LRP1B: variants seen among roughly 807,000 people sequenced by gnomAD.
LRP1B encodes low-density lipoprotein receptor-related protein 1B.
Under a neutral mutation model 556.6 loss-of-function variants are expected in LRP1B, and 217 were observed. The ratio of observed to expected loss-of-function variants is 0.39; its 90% confidence interval spans 0.35 to 0.44. The LOEUF is 0.44. LRP1B is among the 20% of genes least tolerant of loss of function. The pLI, the probability that LRP1B is intolerant of heterozygous loss-of-function variation, is 1.00. For missense variants in LRP1B, 5,053 were observed against 5,620.8 expected (o/e 0.90, Z 3.23); for synonymous variants, 2,047 against 1,865.8 (o/e 1.10, Z -2.50).
chr2:141,112,541 T>A (rs1700781760), intron 7 of LRP1B, among the ~76,000 whole-genome samples: 1 of 152,218 alleles, frequency 6.6e-6, no homozygotes, highest in Non-Finnish European at 1.5e-5. Context: ...TAATGCTATC[T>A]GTACATATTT....
intron 1 of LRP1B, among the ~76,000 whole-genome samples, chr2:141,832,029 C>G (rs1167573184): frequency 6.6e-6 from 1 of 151,588 alleles, no homozygotes; most frequent in Non-Finnish European, 1.5e-5. Context: ...TGGTAAATAC[C>G]TAGTCTACAT....
intron 2 of LRP1B, among the ~76,000 whole-genome samples, chr2:141,554,171 T>C (rs1685870820): frequency 6.9e-6 from 1 of 145,800 alleles, no homozygotes; most frequent in Non-Finnish European, 1.5e-5. Flanking sequence ...TATATATCTA[T>C]ATGAATAGAC....
At chr2:141,193,512 C>T (rs1049730882) in intron 6 of LRP1B, among the ~76,000 whole-genome samples, 5 of 151,896 alleles carry the variant, frequency 3.3e-5, no homozygotes, top group African/African-American at 9.7e-5. Context: ...TTCATGTTCT[C>T]ATGTATTAGT....
intron 2 of LRP1B, among the ~76,000 whole-genome samples, chr2:141,544,563 G>A (rs1205666812): frequency 1.3e-5 from 2 of 151,620 alleles, no homozygotes; most frequent in Non-Finnish European, 2.9e-5. Flanking sequence ...TTATAGGTGT[G>A]AGCCGCTGCA....
intron 21 of LRP1B, among the ~76,000 whole-genome samples, chr2:140,919,924 ATT>A (rs1173753820): frequency 1.3e-5 from 2 of 152,044 alleles, no homozygotes; most frequent in Admixed American, 6.6e-5. Context: ...TAAGCAATAT[ATT>A]GTTTCTAATT....
At chr2:140,375,138 ATTG>A (rs1354421280) in intron 68 of LRP1B, among the ~76,000 whole-genome samples, 2 of 150,754 alleles carry the variant, frequency 1.3e-5, no homozygotes, top group Non-Finnish European at 3.0e-5. Flanking sequence ...TTTTTAAAGT[ATTG>A]TTGTGAACTC....
chr2:141,903,523 A>G (rs1386800511), intron 1 of LRP1B, among the ~76,000 whole-genome samples: 1 of 151,956 alleles, frequency 6.6e-6, no homozygotes, highest in African/African-American at 2.4e-5. Flanking sequence ...ATTAGAAAAT[A>G]CCAGCAAGAA....
chr2:141,538,885 G>A (rs149032479), intron 2 of LRP1B, among the ~76,000 whole-genome samples: 2,018 of 152,148 alleles, frequency 0.013, 32 homozygotes, highest in Middle Eastern at 0.044. Context: ...GTGATCCCCC[G>A]GCACTGGCCT....
At chr2:141,463,456 T>C (rs1023587591) in intron 3 of LRP1B, among the ~76,000 whole-genome samples, 6 of 147,790 alleles carry the variant, frequency 4.1e-5, no homozygotes, top group Admixed American at 2.7e-4. Flanking sequence ...GGGAGAAAAA[T>C]TCAGCAGTCA....
At chr2:140,981,681 C>G (rs570179787) in intron 18 of LRP1B, among the ~76,000 whole-genome samples, 2 of 152,080 alleles carry the variant, frequency 1.3e-5, no homozygotes, top group Non-Finnish European at 2.9e-5. Flanking sequence ...CAGAATCATA[C>G]GACTCTACGG....
intron 3 of LRP1B, among the ~76,000 whole-genome samples, chr2:141,456,933 T>C (rs772106876): frequency 4.0e-4 from 61 of 152,220 alleles, no homozygotes; most frequent in Non-Finnish European, 8.4e-4. Context: ...GAACTTGTAA[T>C]TCATAAGATA....
intron 3 of LRP1B, among the ~76,000 whole-genome samples, chr2:141,374,109 G>T (rs1288755835): frequency 6.6e-6 from 1 of 151,926 alleles, no homozygotes; most frequent in Non-Finnish European, 1.5e-5. Context: ...CTTCATTTTT[G>T]CAGCTTCAGG....
At chr2:142,064,057 T>A (rs1705012281) in intron 1 of LRP1B, among the ~76,000 whole-genome samples, 1 of 151,644 alleles carries the variant, frequency 6.6e-6, no homozygotes, top group South Asian at 2.1e-4. Flanking sequence ...CAAGAATGCT[T>A]TGAAGAAAAA....
intron 18 of LRP1B, among the ~76,000 whole-genome samples, chr2:140,960,368 C>T (rs1695999366): frequency 6.6e-6 from 1 of 151,684 alleles, no homozygotes; most frequent in Non-Finnish European, 1.5e-5. Flanking sequence ...ATCTTTCTCC[C>T]AACATGTAAA....
At chr2:140,787,235 T>C (rs1333808631) in intron 32 of LRP1B, among the ~76,000 whole-genome samples, 1 of 152,216 alleles carries the variant, frequency 6.6e-6, no homozygotes, top group African/African-American at 2.4e-5. Context: ...ATAGAGTTGA[T>C]AGTATTTCTG....
intron 7 of LRP1B, among the ~76,000 whole-genome samples, chr2:141,147,818 A>G (rs1293358614): frequency 6.6e-6 from 1 of 152,188 alleles, no homozygotes; most frequent in Non-Finnish European, 1.5e-5. Flanking sequence ...AACTGCATAC[A>G]CAACAGTGGT....
At chr2:140,450,018 A>G (rs1037985518) in intron 63 of LRP1B, among the ~76,000 whole-genome samples, 3 of 152,216 alleles carry the variant, frequency 2.0e-5, no homozygotes, top group African/African-American at 7.2e-5. Context: ...ATTACAGTCA[A>G]ATGTCAAGAC....
intron 6 of LRP1B, among the ~76,000 whole-genome samples, chr2:141,214,407 T>C (rs893978717): frequency 2.0e-5 from 3 of 152,196 alleles, no homozygotes; most frequent in African/African-American, 7.2e-5. Flanking sequence ...ACATCAGTTT[T>C]AATAATAATA....
intron 3 of LRP1B, among the ~76,000 whole-genome samples, chr2:141,376,950 T>C (rs927377850): frequency 6.6e-6 from 1 of 152,220 alleles, no homozygotes; most frequent in East Asian, 1.9e-4. Flanking sequence ...ATAAAGTACC[T>C]CAACCGCTTT....
Sources: gnomAD v4.1 joint callset for allele counts (sites outside exome capture counted in the v4.1 genomes callset) on GRCh38, gnomAD v4.1.1 for gene constraint, MANE v1.5 for transcripts, NCBI Gene and HGNC (gene_info 2026-07-23, HGNC 2026-07-21) for gene names.